The following AGBL1 variants were observed in gnomAD, a reference collection of about 807,000 sequenced individuals.
AGBL1 encodes AGBL carboxypeptidase 1, also known as cytosolic carboxypeptidase 4.
A neutral mutation model predicts 118.9 loss-of-function variants in AGBL1; 130 were observed. The ratio of observed to expected loss-of-function variants is 1.09; its 90% CI spans 0.95 to 1.26. The LOEUF (loss-of-function observed/expected upper bound fraction) is 1.26. Ranked by LOEUF, AGBL1 falls within the 50% of genes most tolerant of loss-of-function variation. The pLI is 0.00. For synonymous variants in AGBL1, 555 were observed against 478.9 expected (o/e 1.16, Z -2.08); for missense variants, 1,584 against 1,298.1 (o/e 1.22, Z -3.38).
chr15:86,688,152 A>G, intron 22 of AGBL1, among the ~76,000 whole-genome samples: 1 of 152,154 alleles, frequency 6.6e-6, no homozygotes, highest in South Asian at 2.1e-4. Context: ...CTAAAGGGGA[A>G]GGCACATTGC....
intron 22 of AGBL1, among the ~76,000 whole-genome samples, chr15:86,895,843 G>T (rs2080118387): frequency 6.6e-6 from 1 of 151,730 alleles, no homozygotes; most frequent in African/African-American, 2.4e-5. Flanking sequence ...TCTAAGATTT[G>T]CCCTGCTTTA....
In AGBL1 at chr15:86,522,829, G is replaced by A. The variant is rs372004187; in HGVS notation, c.2575G>A (p.Gly859Arg). ...INGNHRCSLS[G>R]EDLNRQWLSP... ...CTGTAGCCACAGATGCTCACTGAGC[G>A]GGGAAGATTTGAACAGACAATGGCT... The change falls in exon 19 of 23, where the codon GGG becomes AGG. Residue 859 changes from glycine to arginine, a missense_variant. Coordinates refer to ENST00000614907, the MANE Select transcript of AGBL1 (RefSeq NM_001386094.1). 4.2e-5 allele frequency: 67 copies of A among 1,613,518 alleles called. No individual in the cohort carries two copies. The highest frequency in any genetic ancestry group is 3.3e-4 in the Middle Eastern group (2 of 6,080).
At chr15:86,452,627 A>G (rs970310913) in intron 18 of AGBL1, among the ~76,000 whole-genome samples, 10 of 152,174 alleles carry the variant, frequency 6.6e-5, no homozygotes, top group Non-Finnish European at 4.4e-5. Flanking sequence ...GATGGGGCAC[A>G]AGGAAGCTCT....
At chr15:86,350,475 G>T (rs2080608124) in intron 17 of AGBL1, among the ~76,000 whole-genome samples, 1 of 152,330 alleles carries the variant, frequency 6.6e-6, no homozygotes, top group South Asian at 2.1e-4. Flanking sequence ...GCATGTGCTG[G>T]TCGGGTGTCA....
intron 18 of AGBL1, among the ~76,000 whole-genome samples, chr15:86,486,323 C>T (rs1283719749): frequency 2.0e-5 from 3 of 152,102 alleles, no homozygotes; most frequent in Non-Finnish European, 4.4e-5. Flanking sequence ...TTTCCATATT[C>T]TTCTAGGTTC....
rs1010514708 is a variant in AGBL1 at position 86,910,301 on chromosome 15, T to G, written c.*3007T>G. On this transcript the variant is annotated 3_prime_UTR_variant, in exon 23 of 23. Transcript: ENST00000614907. ...AGAGTTAGAGCTTGAAATAAAATGT[T>G]CAGTGTGACTGGTTTAAAAGATGTG... 2 of 152,210 alleles carry G rather than the reference T, an allele frequency of 1.3e-5. No individual in the cohort carries two copies. Among genetic ancestry groups the G allele is most frequent in the Non-Finnish European group, 2.9e-5 (2 of 68,040 alleles). 9.4% of individuals were successfully genotyped at this position (152,210 alleles called of 1,614,324 possible).
rs568581869 is a variant in AGBL1, at chr15:86,119,211, A to G, written c.52-22793A>G. On this transcript the variant is annotated intron_variant, in intron 1 of 22. Transcript: ENST00000614907. ...CTAATATAATTCAATTTCAGTTTAC[A>G]TATAAAAGAGAATTTATCACAGAGA... is the stretch of plus-strand genomic sequence containing the variant. Among the ~76,000 whole-genome samples the G allele has an allele frequency of 1.4e-3, 220 of 152,368 alleles. 4 individuals carry two copies. In the South Asian group the frequency reaches 0.043, roughly 30 times the overall value.
intron 21 of AGBL1, among the ~76,000 whole-genome samples, chr15:86,617,760 GCACACACACACACACACACACA>G (rs5814253): frequency 6.8e-6 from 1 of 146,832 alleles, no homozygotes; most frequent in Non-Finnish European, 1.5e-5. Context: ...AACTTTATGC[GCACACACACACACACACACACA>G]CACACACACA....
intron 22 of AGBL1, among the ~76,000 whole-genome samples, chr15:86,808,788 C>T (rs941575181): frequency 6.6e-6 from 1 of 151,196 alleles, no homozygotes. Flanking sequence ...CTTCCATTCT[C>T]ATCTGGATCA....
chr15:86,991,145 G>A (rs75271987), intron 24 of AGBL1, among the ~76,000 whole-genome samples: 5,207 of 152,202 alleles, frequency 0.034, 126 homozygotes, highest in Middle Eastern at 0.068. Flanking sequence ...TAGGATTCTC[G>A]CTGTCTTCTC....
intron 1 of AGBL1, among the ~76,000 whole-genome samples, chr15:86,105,798 T>A (rs1363636908): frequency 6.6e-6 from 1 of 152,262 alleles, no homozygotes; most frequent in Non-Finnish European, 1.5e-5. Context: ...GTTCTTTTTG[T>A]AACTCTTTGA....
chr15:86,766,112 T>C (rs775688746), intron 22 of AGBL1, among the ~76,000 whole-genome samples: 7 of 151,966 alleles, frequency 4.6e-5, no homozygotes, highest in Non-Finnish European at 1.0e-4. Flanking sequence ...CCCAGTGAGA[T>C]AGGTTACAGT....
intron 21 of AGBL1, among the ~76,000 whole-genome samples, chr15:86,591,519 A>C (rs915261166): frequency 3.9e-5 from 6 of 152,166 alleles, no homozygotes; most frequent in African/African-American, 1.4e-4. Flanking sequence ...TAACTTGCTA[A>C]ATTGGCTCAC....
chr15:86,411,469 A>G (rs552733204), intron 18 of AGBL1, among the ~76,000 whole-genome samples: 1 of 152,224 alleles, frequency 6.6e-6, no homozygotes, highest in South Asian at 2.1e-4. Flanking sequence ...GGCAGCATAT[A>G]TACTTTGATA....
At chr15:86,128,958 TAA>T (rs1435195048) in intron 1 of AGBL1, among the ~76,000 whole-genome samples, 5 of 152,200 alleles carry the variant, frequency 3.3e-5, no homozygotes, top group Non-Finnish European at 5.9e-5. Context: ...CCAATTATAT[TAA>T]CACAGTGCTT....
At chr15:86,530,736 G>T (rs1398847945) in intron 19 of AGBL1, among the ~76,000 whole-genome samples, 7 of 148,880 alleles carry the variant, frequency 4.7e-5, no homozygotes, top group Non-Finnish European at 8.9e-5. Flanking sequence ...AAATGTAAAA[G>T]AAGACAAATT....
chr15:86,111,760 C>T (rs1312626346), intron 1 of AGBL1, among the ~76,000 whole-genome samples: 7 of 152,160 alleles, frequency 4.6e-5, no homozygotes, highest in African/African-American at 1.2e-4. Context: ...CTCCAACCCC[C>T]GGGCCACAGA....
At chr15:86,502,754 T>C (rs1041794437) in intron 18 of AGBL1, among the ~76,000 whole-genome samples, 1 of 151,544 alleles carries the variant, frequency 6.6e-6, no homozygotes, top group South Asian at 2.1e-4. Flanking sequence ...CTTCCAATCC[T>C]GAGATGAATC....
intron 22 of AGBL1, among the ~76,000 whole-genome samples, chr15:86,872,737 C>T (rs2079747683): frequency 6.6e-6 from 1 of 152,180 alleles, no homozygotes; most frequent in African/African-American, 2.4e-5. Flanking sequence ...GCCTGGGCGA[C>T]AGAGTGAGAC....
Sources: allele counts gnomAD v4.1 joint callset (sites outside exome capture counted in the v4.1 genomes callset), GRCh38; gene constraint gnomAD v4.1.1; transcripts MANE v1.5; gene names NCBI Gene and HGNC (gene_info 2026-07-23, HGNC 2026-07-21).